The following DOCK2 variants were observed in gnomAD, a reference collection of about 807,000 sequenced individuals.
DOCK2 encodes dedicator of cytokinesis 2, also known as dedicator of cytokinesis protein 2.
DOCK2 carries 87 observed loss-of-function variants against 248.9 expected under a neutral mutation model. That is an observed-to-expected ratio of 0.35 (90% CI 0.29 to 0.42). The LOEUF is 0.42. Ranked by LOEUF, DOCK2 falls within the 10% of genes least tolerant of loss-of-function variation. The probability of loss-of-function intolerance (pLI) is 1.00; values close to 1 mark genes in which losing one functional copy is unlikely to be tolerated. For synonymous variants in DOCK2, 805 were observed against 821.6 expected (o/e 0.98, Z 0.35); for missense variants, 1,747 against 2,300.2 (o/e 0.76, Z 4.92).
intron 27 of DOCK2, among the ~76,000 whole-genome samples, chr5:169,968,000 T>C (rs1310537324): frequency 6.6e-6 from 1 of 152,142 alleles, no homozygotes; most frequent in Non-Finnish European, 1.5e-5. Context: ...AGGATCATGT[T>C]GACATGTTAA....
intron 27 of DOCK2, among the ~76,000 whole-genome samples, chr5:169,897,464 C>T (rs1773677995): frequency 6.6e-6 from 1 of 152,064 alleles, no homozygotes; most frequent in Non-Finnish European, 1.5e-5. Flanking sequence ...GCTAGGATTA[C>T]AAGTGTGAGC....
intron 27 of DOCK2, among the ~76,000 whole-genome samples, chr5:169,975,389 A>G (rs1292269265): frequency 6.6e-6 from 1 of 152,162 alleles, no homozygotes; most frequent in Non-Finnish European, 1.5e-5. Context: ...TTGTACTTAC[A>G]AGAAAATCCT....
At chr5:169,863,554 A>G (rs1443511594) in intron 27 of DOCK2, among the ~76,000 whole-genome samples, 1 of 152,206 alleles carries the variant, frequency 6.6e-6, no homozygotes, top group Non-Finnish European at 1.5e-5. Context: ...GAACAGCTAC[A>G]GCTGCTGAAA....
At chr5:169,846,816 A>G (rs1395248656) in intron 27 of DOCK2, among the ~76,000 whole-genome samples, 1 of 152,038 alleles carries the variant, frequency 6.6e-6, no homozygotes, top group African/African-American at 2.4e-5. Flanking sequence ...TGTGCATTGT[A>G]CCTAATATGT....
intron 27 of DOCK2, among the ~76,000 whole-genome samples, chr5:169,926,586 C>T (rs1775474289): frequency 6.6e-6 from 1 of 152,278 alleles, no homozygotes; most frequent in African/African-American, 2.4e-5. Flanking sequence ...CACATCAGCT[C>T]ACTCAGGCAG....
chr5:169,941,298 C>A (rs187464577), intron 27 of DOCK2, among the ~76,000 whole-genome samples: 16 of 152,294 alleles, frequency 1.1e-4, no homozygotes, highest in African/African-American at 3.6e-4. Context: ...ACCTCTGCCT[C>A]CTGGGTTCAA....
At chr5:169,802,414 G>A (rs1767058713) in intron 25 of DOCK2, among the ~76,000 whole-genome samples, 2 of 152,176 alleles carry the variant, frequency 1.3e-5, no homozygotes, top group South Asian at 4.1e-4. Flanking sequence ...GCAAGTGGAA[G>A]GTTGTTCATT....
At chr5:169,979,904 C>T (rs1266387553) in intron 27 of DOCK2, among the ~76,000 whole-genome samples, 2 of 152,110 alleles carry the variant, frequency 1.3e-5, no homozygotes, top group East Asian at 1.9e-4. Context: ...ACTAGAATCC[C>T]CCTCCCTTTT....
At chr5:169,909,062 T>G (rs1380809370) in intron 27 of DOCK2, among the ~76,000 whole-genome samples, 1 of 152,236 alleles carries the variant, frequency 6.6e-6, no homozygotes, top group Non-Finnish European at 1.5e-5. Flanking sequence ...TGAGCCAGGC[T>G]GCCTGCTTTC....
intron 27 of DOCK2, among the ~76,000 whole-genome samples, chr5:169,967,050 G>A (rs1051166691): frequency 6.6e-6 from 1 of 152,222 alleles, no homozygotes; most frequent in Admixed American, 6.5e-5. Context: ...TACCTCCTAT[G>A]TGCCAGGCAC....
Position 169,882,757 on chromosome 5 carries a change from G to A in DOCK2, c.2799+41905G>A, listed in dbSNP as rs898009345. 19 of 1,551,766 alleles carry A rather than the reference G, an allele frequency of 1.2e-5. No homozygotes were observed. Among genetic ancestry groups the A allele is most frequent in the East Asian group, 9.8e-5 (4 of 40,912 alleles). ...TTTGGTCTCACTCCTTGAAAGAGAG[G>A]ATGGGAGATGATTACTTCCTGGACA... On this transcript the variant is annotated intron_variant, in intron 27 of 51. Transcript: ENST00000520908.
In DOCK2 at chr5:170,008,600, A is replaced by G; in HGVS notation, c.3173+3A>G. 2 of 1,614,146 alleles carry G rather than the reference A, an allele frequency of 1.2e-6. No individual in the cohort carries two copies. Among genetic ancestry groups the G allele is most frequent in the Non-Finnish European group, 1.7e-6 (2 of 1,179,990 alleles). On this transcript the variant is annotated splice_donor_region_variant and intron_variant, in intron 31 of 51. Coordinates refer to ENST00000520908, the MANE Select transcript of DOCK2 (RefSeq NM_004946.3). ...AAATACAACAAAATCCTGAATAAGT[A>G]GGTTGCATTTTTGGATTTCCTGAAG... is the stretch of plus-strand genomic sequence containing the variant.
chr5:169,803,187 T>A lies in DOCK2; in HGVS notation c.2684T>A (p.Val895Asp). 1 of 1,613,644 alleles carries A rather than the reference T, an allele frequency of 6.2e-7. No individual in the cohort carries two copies. Among genetic ancestry groups the A allele is most frequent in the African/African-American group, 1.3e-5 (1 of 75,036 alleles). ...GAATTGCTCAACAGCATCTTGGAAG[T>A]CCTTAGCTACCAGGATGCGGTGAGT... The part of the protein sequence containing the change: ...CVELLNSILE[V>D]LSYQDAAFTY... The change falls in exon 26 of 52, where the codon GTC becomes GAC. Residue 895 changes from valine (V) to aspartate (D), a missense_variant. By Grantham distance (152) the Val-to-Asp change is radical. This residue lies in a region of DOCK2 where 858 missense variants were observed against 1,183.5 expected (regional missense o/e 0.72). Coordinates refer to ENST00000520908, the MANE Select transcript of DOCK2 (RefSeq NM_004946.3).
At chr5:169,871,835 A>G (rs1432415940) in intron 27 of DOCK2, among the ~76,000 whole-genome samples, 1 of 152,172 alleles carries the variant, frequency 6.6e-6, no homozygotes, top group Non-Finnish European at 1.5e-5. Context: ...CCACCTTGGA[A>G]TACTCTTTCT....
intron 40 of DOCK2, among the ~76,000 whole-genome samples, chr5:170,048,210 G>A (rs1048897494): frequency 1.5e-3 from 233 of 152,036 alleles, no homozygotes; most frequent in African/African-American, 5.1e-3. Flanking sequence ...TGGGTAACAC[G>A]GTGAAACCCT....
chr5:169,638,066 G>A, intron 1 of DOCK2, among the ~76,000 whole-genome samples: 1 of 152,206 alleles, frequency 6.6e-6, no homozygotes, highest in South Asian at 2.1e-4. Context: ...GGCCTCAGGT[G>A]CTGCTACTCT....
intron 34 of DOCK2, among the ~76,000 whole-genome samples, chr5:170,028,770 C>CGT (rs1561888199): frequency 5.3e-5 from 8 of 151,628 alleles, no homozygotes; most frequent in South Asian, 2.1e-4. Context: ...CACACACACG[C>CGT]GTGCGCACAC....
intron 2 of DOCK2, among the ~76,000 whole-genome samples, chr5:169,661,862 T>C (rs929946272): frequency 5.3e-5 from 8 of 152,234 alleles, no homozygotes; most frequent in Non-Finnish European, 1.2e-4. Context: ...ACTCATCCAC[T>C]GGTGAGAGCA....
intron 26 of DOCK2, among the ~76,000 whole-genome samples, chr5:169,822,697 C>T (rs1202093859): frequency 6.6e-6 from 1 of 151,958 alleles, no homozygotes; most frequent in East Asian, 1.9e-4. Context: ...CCTAACATCA[C>T]AATTAAAAGA....
Sources: gnomAD v4.1 joint callset for allele counts (sites outside exome capture counted in the v4.1 genomes callset) on GRCh38, gnomAD v4.1.1 for gene constraint, gnomAD v4.1.1 regional missense constraint, MANE v1.5 for transcripts, NCBI Gene and HGNC (gene_info 2026-07-23, HGNC 2026-07-21) for gene names.